Variants in DOCK3 observed in about 807,000 individuals in gnomAD.
DOCK3 encodes dedicator of cytokinesis 3.
In DOCK3, 60 loss-of-function variants were observed where a neutral mutation model predicts 265.6. That is an observed-to-expected ratio of 0.23 (90% confidence interval 0.18 to 0.28). DOCK3 has a LOEUF of 0.28. DOCK3 is among the 10% of genes least tolerant of loss of function. DOCK3 has a pLI of 1.00. For missense variants in DOCK3, 1,981 were observed against 2,594.3 expected (o/e 0.76, Z 5.14); for synonymous variants, 881 against 938.0 (o/e 0.94, Z 1.11).
At chr3:50,813,172 C>G (rs989873223) in intron 2 of DOCK3, among the ~76,000 whole-genome samples, 7 of 152,216 alleles carry the variant, frequency 4.6e-5, no homozygotes, top group Non-Finnish European at 1.0e-4. Context: ...TGGAGAACTA[C>G]AGATGCTCCT....
At chr3:50,892,636 T>C (rs1258104337) in intron 4 of DOCK3, among the ~76,000 whole-genome samples, 1 of 152,086 alleles carries the variant, frequency 6.6e-6, no homozygotes, top group Non-Finnish European at 1.5e-5. Flanking sequence ...CCCAGAGTGC[T>C]GGAGTAGCCA....
intron 27 of DOCK3, among the ~76,000 whole-genome samples, chr3:51,299,192 C>T (rs575317436): frequency 5.9e-5 from 9 of 151,800 alleles, no homozygotes; most frequent in East Asian, 3.9e-4. Context: ...CTTTTTTTCA[C>T]GTGTTTATGG....
At chr3:51,186,229 A>G (rs368934662) in intron 12 of DOCK3, among the ~76,000 whole-genome samples, 2 of 152,298 alleles carry the variant, frequency 1.3e-5, no homozygotes, top group Middle Eastern at 3.4e-3. Flanking sequence ...TGGTAACTGG[A>G]GCAAAGATGA....
At chr3:51,070,625 G>C (rs764774026) in intron 6 of DOCK3, among the ~76,000 whole-genome samples, 33 of 152,292 alleles carry the variant, frequency 2.2e-4, no homozygotes, top group Non-Finnish European at 3.8e-4. Context: ...GTTTTCATTA[G>C]TATAGTTCTT....
At chr3:50,854,303 A>G (rs1316219867) in intron 3 of DOCK3, among the ~76,000 whole-genome samples, 1 of 151,816 alleles carries the variant, frequency 6.6e-6, no homozygotes. Context: ...GAAGCTATTT[A>G]GTTTAAACCC....
At chr3:50,681,308 A>G (rs145862412) in intron 1 of DOCK3, among the ~76,000 whole-genome samples, 1 of 152,328 alleles carries the variant, frequency 6.6e-6, no homozygotes, top group East Asian at 1.9e-4. Flanking sequence ...CCTTCATAGC[A>G]TATTTTTACA....
chr3:51,303,028 C>T (rs2109361805), intron 27 of DOCK3, among the ~76,000 whole-genome samples: 1 of 152,176 alleles, frequency 6.6e-6, no homozygotes, highest in East Asian at 1.9e-4. Context: ...CATCTTGGTT[C>T]TGTTCTCCCT....
intron 5 of DOCK3, among the ~76,000 whole-genome samples, chr3:51,022,660 A>G (rs946210937): frequency 3.3e-5 from 5 of 152,118 alleles, no homozygotes; most frequent in Middle Eastern, 3.4e-3. Flanking sequence ...CTCCCATTCT[A>G]TAGGTTTCTT....
At chr3:50,800,751 A>C (rs528790335) in intron 2 of DOCK3, among the ~76,000 whole-genome samples, 14 of 151,974 alleles carry the variant, frequency 9.2e-5, no homozygotes, top group African/African-American at 3.4e-4. Context: ...CTTGAGGTGC[A>C]CCATTAGGTT....
chr3:51,258,691 T>G (rs1316311972), intron 22 of DOCK3, among the ~76,000 whole-genome samples: 1 of 152,108 alleles, frequency 6.6e-6, no homozygotes, highest in Non-Finnish European at 1.5e-5. Context: ...CCTATAGGGA[T>G]TCTAGTCCCT....
intron 4 of DOCK3, among the ~76,000 whole-genome samples, chr3:50,923,873 A>G (rs982134031): frequency 2.0e-5 from 3 of 152,198 alleles, no homozygotes; most frequent in South Asian, 2.1e-4. Context: ...GCATGATAGT[A>G]TTATGATATT....
chr3:50,864,088 CT>C (rs1172047736), intron 3 of DOCK3, among the ~76,000 whole-genome samples: 1 of 152,126 alleles, frequency 6.6e-6, no homozygotes, highest in Non-Finnish European at 1.5e-5. Flanking sequence ...AGTGTATGTG[CT>C]TTTCTCTACA....
chr3:51,026,662 CTTA>C (rs1438783610), intron 5 of DOCK3, among the ~76,000 whole-genome samples: 1 of 151,946 alleles, frequency 6.6e-6, no homozygotes, highest in Non-Finnish European at 1.5e-5. Flanking sequence ...AGTTTCATAA[CTTA>C]TTATTGATTT....
chr3:51,207,478 G>A (rs1262272271), intron 12 of DOCK3, among the ~76,000 whole-genome samples: 1 of 152,112 alleles, frequency 6.6e-6, no homozygotes, highest in African/African-American at 2.4e-5. Context: ...AAGAAATTCT[G>A]TAGGCAGAAA....
intron 7 of DOCK3, among the ~76,000 whole-genome samples, chr3:51,085,555 A>G (rs2082388540): frequency 6.6e-6 from 1 of 152,228 alleles, no homozygotes. Flanking sequence ...ATTAAACAGC[A>G]TGCTCCTGAA....
intron 5 of DOCK3, among the ~76,000 whole-genome samples, chr3:51,061,477 C>T (rs1382486392): frequency 6.6e-6 from 1 of 152,032 alleles, no homozygotes; most frequent in African/African-American, 2.4e-5. Flanking sequence ...AAACCAAACA[C>T]CGCATGTTCT....
intron 4 of DOCK3, among the ~76,000 whole-genome samples, chr3:50,898,206 G>T (rs2048985996): frequency 6.6e-6 from 1 of 150,536 alleles, no homozygotes; most frequent in South Asian, 2.1e-4. Flanking sequence ...TTTAGTCTTG[G>T]GAGGGTGTAT....
intron 41 of DOCK3, among the ~76,000 whole-genome samples, chr3:51,355,423 C>G (rs577605812): frequency 3.9e-5 from 6 of 152,334 alleles, no homozygotes; most frequent in African/African-American, 1.4e-4. Context: ...TGCTCCACTC[C>G]CATGTGTACT....
At chr3:50,713,594 T>C (rs570964758) in intron 1 of DOCK3, among the ~76,000 whole-genome samples, 22 of 152,082 alleles carry the variant, frequency 1.4e-4, no homozygotes, top group Non-Finnish European at 3.1e-4. Flanking sequence ...ATGTCTTAGG[T>C]ATGGTGGTGG....
Sources: allele counts gnomAD v4.1 joint callset (sites outside exome capture counted in the v4.1 genomes callset), GRCh38; gene constraint gnomAD v4.1.1; transcripts MANE v1.5; gene names NCBI Gene and HGNC (gene_info 2026-07-23, HGNC 2026-07-21).